The following COL10A1 variants were observed in gnomAD, a reference collection of about 807,000 sequenced individuals.
The protein encoded by COL10A1 is collagen type X alpha 1 chain.
A neutral mutation model predicts 18.2 loss-of-function variants in COL10A1; 10 were observed. The ratio of observed to expected loss-of-function variants is 0.55; its 90% CI spans 0.34 to 0.93. COL10A1 has a LOEUF of 0.93. Among genes scored for constraint, COL10A1 ranks in the 40% least tolerant of loss-of-function variants. The pLI, the probability that COL10A1 is intolerant of heterozygous loss-of-function variation, is 0.02. For synonymous variants in COL10A1, 330 were observed against 316.6 expected (o/e 1.04, Z -0.45); for missense variants, 897 against 853.5 (o/e 1.05, Z -0.64).
chr6:116,134,167 G>A (rs889889108), intron 1 of COL10A1, among the ~76,000 whole-genome samples: 2 of 152,176 alleles, frequency 1.3e-5, no homozygotes, highest in Non-Finnish European at 2.9e-5. Flanking sequence ...GACCATACTG[G>A]TGTCAAAGAG....
At chr6:116,142,217 A>G (rs1424457465) in intron 1 of COL10A1, among the ~76,000 whole-genome samples, 1 of 152,050 alleles carries the variant, frequency 6.6e-6, no homozygotes, top group Non-Finnish European at 1.5e-5. Context: ...AAGTTGTGGG[A>G]CCAAATTTAG....
chr6:116,182,942 C>A, the COL10A1 span, among the ~76,000 whole-genome samples: 1 of 152,050 alleles, frequency 6.6e-6, no homozygotes, highest in Non-Finnish European at 1.5e-5. Context: ...ATCATGAAGT[C>A]TTTGCCTAAA....
chr6:116,147,160 A>G (rs893211373), intron 1 of COL10A1, among the ~76,000 whole-genome samples: 6 of 151,836 alleles, frequency 4.0e-5, no homozygotes, highest in African/African-American at 1.5e-4. Context: ...ACAAACTGGG[A>G]CCAGGCATGG....
intron 1 of COL10A1, among the ~76,000 whole-genome samples, chr6:116,155,461 C>T (rs1384274252): frequency 6.6e-6 from 1 of 151,952 alleles, no homozygotes; most frequent in Non-Finnish European, 1.5e-5. Flanking sequence ...ATTAACATGG[C>T]CTAAAATCGT....
intron 2 of COL10A1, among the ~76,000 whole-genome samples, chr6:116,123,541 C>T (rs1779201167): frequency 6.6e-6 from 1 of 152,238 alleles, no homozygotes; most frequent in Non-Finnish European, 1.5e-5. Flanking sequence ...TCCTCTGCAG[C>T]ATAATTTAGT....
chr6:116,167,379 A>T, the COL10A1 span, among the ~76,000 whole-genome samples: 13 of 151,866 alleles, frequency 8.6e-5, no homozygotes, highest in Admixed American at 8.5e-4. Context: ...CTGCCGGCTA[A>T]TTTTTTGTAT....
the COL10A1 span, among the ~76,000 whole-genome samples, chr6:116,194,837 G>A: frequency 6.6e-6 from 1 of 151,976 alleles, no homozygotes; most frequent in Admixed American, 6.6e-5. Flanking sequence ...TCTATTATAA[G>A]ACACTCTACA....
At chr6:116,140,464 T>C (rs1465670779) in intron 1 of COL10A1, among the ~76,000 whole-genome samples, 1 of 152,144 alleles carries the variant, frequency 6.6e-6, no homozygotes, top group African/African-American at 2.4e-5. Context: ...ATGTGTATAG[T>C]ATATATCATT....
chr6:116,155,214 C>T (rs1780156014), intron 1 of COL10A1, among the ~76,000 whole-genome samples: 2 of 152,130 alleles, frequency 1.3e-5, no homozygotes, highest in African/African-American at 4.8e-5. Context: ...TGCTTATAAG[C>T]ATTGTTAGAC....
At chr6:116,217,118 T>G in the COL10A1 span, among the ~76,000 whole-genome samples, 3 of 152,180 alleles carry the variant, frequency 2.0e-5, no homozygotes, top group Non-Finnish European at 4.4e-5. Flanking sequence ...ATAGAAATAG[T>G]GATGTGGCAC....
chr6:116,178,106 CGT>C, the COL10A1 span, among the ~76,000 whole-genome samples: 1 of 130,740 alleles, frequency 7.6e-6, no homozygotes, highest in Non-Finnish European at 1.6e-5. Context: ...CGCGCGCGTG[CGT>C]GCGTGTGTGT....
chr6:116,156,533 G>A (rs1197943982), intron 1 of COL10A1, among the ~76,000 whole-genome samples: 1 of 152,152 alleles, frequency 6.6e-6, no homozygotes, highest in Non-Finnish European at 1.5e-5. Flanking sequence ...GGCAAAGTAA[G>A]GGAAGAGGAG....
chr6:116,149,248 A>G (rs750757059), intron 1 of COL10A1, among the ~76,000 whole-genome samples: 101 of 152,334 alleles, frequency 6.6e-4, no homozygotes, highest in Non-Finnish European at 1.4e-3. Flanking sequence ...GGTGACTTCC[A>G]GAATTTTAAA....
chr6:116,213,665 T>C, the COL10A1 span, among the ~76,000 whole-genome samples: 104 of 152,172 alleles, frequency 6.8e-4, no homozygotes, highest in African/African-American at 2.3e-3. Flanking sequence ...ATCTGTTCTA[T>C]GTGTAGATCA....
At position 116,120,757 on chromosome 6, in the gene COL10A1, A is replaced by G; in HGVS notation, c.1359T>C (p.Pro453=). The change falls in exon 3 of 3, where the codon CCT becomes CCC. Residue 453 remains proline, a synonymous_variant. Transcript: ENST00000651968. The part of the protein sequence containing the change: ...GAPGIPGTRG[P]IGPPGIPGFP... ...ATCCTGGAATGCCTGGTGGCCCAATAGGGCCTCTAGTACCTGGTATTCCAG... is the reference window on the plus strand; with the variant it reads ...ATCCTGGAATGCCTGGTGGCCCAATGGGGCCTCTAGTACCTGGTATTCCAG... 6.2e-7 allele frequency: 1 copy of G among 1,607,858 alleles called. No individual in the cohort carries two copies. The highest frequency in any genetic ancestry group is 8.5e-7 in the Non-Finnish European group (1 of 1,177,670).
chr6:116,139,963 A>G lies in COL10A1; in HGVS notation c.-15-14456T>C, dbSNP rs191378156. On this transcript the variant is annotated intron_variant, in intron 1 of 1. Transcript: ENST00000418500. The stretch of plus-strand genomic sequence containing the variant: ...GACTTGTGTTTATTGAGAGTCTTCC[A>G]TGTGTCAGGTGTTTTGCTTTTCTTA... Among the ~76,000 whole-genome samples, 8 of 152,224 alleles carry G rather than the reference A, an allele frequency of 5.3e-5. No homozygotes were observed. The East Asian group carries it at 1.5e-3, about 29-fold the overall frequency.
At chr6:116,183,514 C>G in the COL10A1 span, among the ~76,000 whole-genome samples, 1 of 151,714 alleles carries the variant, frequency 6.6e-6, no homozygotes, top group Non-Finnish European at 1.5e-5. Flanking sequence ...TATAATATCC[C>G]ATGTTATATG....
chr6:116,212,455 A>C, the COL10A1 span, among the ~76,000 whole-genome samples: 26 of 152,130 alleles, frequency 1.7e-4, no homozygotes, highest in Admixed American at 6.6e-5. Flanking sequence ...TTGTGATTAT[A>C]ATCTTTATGT....
intron 1 of COL10A1, among the ~76,000 whole-genome samples, chr6:116,153,659 A>G (rs939733544): frequency 2.4e-4 from 36 of 152,178 alleles, no homozygotes; most frequent in African/African-American, 6.8e-4. Context: ...TAAAATTGCT[A>G]TTGTTGTCAA....
Sources: gnomAD v4.1 joint callset for allele counts (sites outside exome capture counted in the v4.1 genomes callset) on GRCh38, gnomAD v4.1.1 for gene constraint, MANE v1.5 for transcripts, NCBI Gene and HGNC (gene_info 2026-07-23, HGNC 2026-07-21) for gene names.